The following CLTC variants were observed in gnomAD, a reference collection of about 807,000 sequenced individuals.
CLTC encodes clathrin heavy chain 1.
CLTC carries 16 observed loss-of-function variants against 195.8 expected under a neutral mutation model. That is an observed-to-expected ratio of 0.08 (90% CI 0.06 to 0.12). The LOEUF (loss-of-function observed/expected upper bound fraction) is 0.12. Ranked by LOEUF, CLTC falls within the 10% of genes least tolerant of loss-of-function variation. The pLI is 1.00. For synonymous variants in CLTC, 667 were observed against 689.4 expected (o/e 0.97, Z 0.51); for missense variants, 796 against 2,027.0 (o/e 0.39, Z 11.66).
chr17:59,687,487 GT>G (rs531755733), intron 30 of CLTC, among the ~76,000 whole-genome samples: 293 of 141,852 alleles, frequency 2.1e-3, no homozygotes, highest in African/African-American at 2.5e-3. Flanking sequence ...GCTTTTTGGG[GT>G]TTTTTTTTTT....
intron 17 of CLTC, 38 bp downstream of exon 17, chr17:59,677,226 T>A (rs1567966110): frequency 6.7e-7 from 1 of 1,501,868 alleles, no homozygotes; most frequent in Non-Finnish European, 9.3e-7. Flanking sequence ...GAAGCTGCAT[T>A]TTTAAAAACC....
chr17:59,630,425 A>G (rs995948910), intron 1 of CLTC, among the ~76,000 whole-genome samples: 1 of 152,210 alleles, frequency 6.6e-6, no homozygotes, highest in Non-Finnish European at 1.5e-5. Context: ...TTGCGATAAA[A>G]CTCACATAAC....
chr17:59,682,244 A>T lies in CLTC; in HGVS notation c.3443-27A>T. ...GATAAACTAGGATGTTAGTGTTTGG[A>T]TATATTTTTTCTTTTTCTATACTTA... On this transcript the variant is annotated intron_variant, in intron 21 of 31. Coordinates refer to ENST00000269122, the MANE Select transcript of CLTC (RefSeq NM_004859.4). This position sits in a 1 kb window ranked among gnomAD's most constrained non-coding sequence, Gnocchi z 6.8. The T allele has an allele frequency of 1.3e-6, 2 of 1,595,076 alleles. No homozygotes were observed. Among genetic ancestry groups the T allele is most frequent in the Non-Finnish European group, 1.7e-6 (2 of 1,170,134 alleles).
intron 1 of CLTC, among the ~76,000 whole-genome samples, chr17:59,624,935 G>A (rs2031502035): frequency 1.3e-5 from 2 of 152,156 alleles, no homozygotes; most frequent in Admixed American, 1.3e-4. Context: ...CTCCCAAAGT[G>A]CTGGGATTAC....
intron 14 of CLTC, 63 bp from the exon 15 acceptor site, chr17:59,673,584 T>A: frequency 7.7e-7 from 1 of 1,290,444 alleles, no homozygotes; most frequent in Non-Finnish European, 1.1e-6. Flanking sequence ...TTCTCATATG[T>A]TACACAGATT....
chr17:59,666,126 C>A lies in CLTC; in HGVS notation c.1668C>A (p.Tyr556Ter). Residue 556 changes from tyrosine to a stop codon, truncating the protein, a stop_gained, in exon 11 of 32, where the codon TAC becomes TAA. Coordinates refer to ENST00000269122, the MANE Select transcript of CLTC (RefSeq NM_004859.4). LOFTEE classifies it high-confidence loss of function. This position sits in a 1 kb window ranked among gnomAD's most constrained non-coding sequence, Gnocchi z 4.9. ...ITQIVDVFME[Y>*]NLIQQCTAFL... ...AGATTGTAGATGTCTTTATGGAATA[C>A]AATCTAATTCAGCAGTGTACTGCAT... The A allele has an allele frequency of 6.2e-7, 1 of 1,608,898 alleles. No individual in the cohort carries two copies. Among genetic ancestry groups the A allele is most frequent in the Non-Finnish European group, 8.5e-7 (1 of 1,175,778 alleles).
chr17:59,626,498 G>A (rs2031556930), intron 1 of CLTC, among the ~76,000 whole-genome samples: 2 of 152,166 alleles, frequency 1.3e-5, no homozygotes, highest in Non-Finnish European at 2.9e-5. Context: ...TGGAATGCCG[G>A]TCAGGCGATT....
In CLTC at chr17:59,656,690, T is replaced by C. The variant is rs1333595963; in HGVS notation, c.969+663T>C. ...AATTTTTTTTTTTTTTTTTTTTTTC[T>C]TGAGATGGAGTCTTGCTCTGTCACC... On this transcript the variant is annotated intron_variant, in intron 6 of 31. Coordinates refer to ENST00000269122, the MANE Select transcript of CLTC (RefSeq NM_004859.4). Among the ~76,000 whole-genome samples, 6 of 109,772 alleles carry C rather than the reference T, an allele frequency of 5.5e-5. No individual in the cohort carries two copies. The Admixed American group carries it at 6.4e-4, about 12-fold the overall frequency. 72.0% of individuals were successfully genotyped at this position (109,772 alleles called of 152,430 possible).
chr17:59,637,834 G>A (rs1260829819), intron 1 of CLTC, among the ~76,000 whole-genome samples: 2 of 151,266 alleles, frequency 1.3e-5, no homozygotes, highest in African/African-American at 4.9e-5. Flanking sequence ...GCTGAATTAA[G>A]CAGCCCAGGA....
chr17:59,692,637 A>G (rs35391268), intron 31 of CLTC, among the ~76,000 whole-genome samples: 78,392 of 151,950 alleles, frequency 0.52, 22,255 homozygotes, highest in Non-Finnish European at 0.65. Flanking sequence ...ATGTCTGAAT[A>G]TGTCTTTTTT....
intron 1 of CLTC, among the ~76,000 whole-genome samples, chr17:59,637,035 G>A (rs1040479434): frequency 1.3e-5 from 2 of 148,504 alleles, no homozygotes; most frequent in East Asian, 4.0e-4. Context: ...ACCCACCTTA[G>A]CCTCCCAAAG....
rs2032743882 is a variant in CLTC at position 59,666,848 on chromosome 17, C to T, written c.1999C>T (p.Leu667Phe). 6.2e-7 allele frequency: 1 copy of T among 1,613,856 alleles called. No individual in the cohort carries two copies. Among genetic ancestry groups the T allele is most frequent in the African/African-American group, 1.3e-5 (1 of 74,902 alleles). ...ATCAGTAGAAGACTCCCTAGAATGT[C>T]TCAGAGCCATGCTGTCTGCCAACAT... ...SLSVEDSLEC[L>F]RAMLSANIRQ... is the part of the protein sequence containing the mutation. The change falls in exon 13 of 32, where the codon CTC becomes TTC. Residue 667 changes from leucine to phenylalanine, a missense_variant. Around this residue, in one of 9 missense-constraint regions of CLTC, gnomAD observed 293 missense variants for 795.6 expected, o/e 0.37. Transcript: ENST00000269122. This position sits in a 1 kb window ranked among gnomAD's most constrained non-coding sequence, Gnocchi z 4.9.
At chr17:59,656,545 G>A (rs535675995) in intron 6 of CLTC, among the ~76,000 whole-genome samples, 133 of 152,126 alleles carry the variant, frequency 8.7e-4, no homozygotes, top group African/African-American at 3.1e-3. Context: ...CCTCTTGTGG[G>A]ATGCCTGGAA....
intron 17 of CLTC, among the ~76,000 whole-genome samples, chr17:59,678,550 T>A (rs745623645): frequency 1.4e-4 from 21 of 152,360 alleles, no homozygotes; most frequent in Non-Finnish European, 2.6e-4. Flanking sequence ...CAGTTTTGAC[T>A]GGTGAGAACC....
intron 5 of CLTC, among the ~76,000 whole-genome samples, chr17:59,653,472 C>A (rs1164782533): frequency 6.6e-6 from 1 of 151,974 alleles, no homozygotes; most frequent in Non-Finnish European, 1.5e-5. Flanking sequence ...GGATTACAGG[C>A]ATGAGCCACC....
At chr17:59,626,079 G>C (rs552856013) in intron 1 of CLTC, among the ~76,000 whole-genome samples, 54 of 152,230 alleles carry the variant, frequency 3.5e-4, no homozygotes, top group African/African-American at 1.3e-3. Flanking sequence ...TAAGTATTTG[G>C]GGTTAACACA....
intron 14 of CLTC, among the ~76,000 whole-genome samples, chr17:59,670,277 GTT>G (rs35483771): frequency 3.4e-4 from 50 of 148,240 alleles, no homozygotes; most frequent in South Asian, 6.4e-4. Context: ...GGGGTGTTGG[GTT>G]TTTTTTTTTG....
At chr17:59,631,969 C>CAA (rs201741031) in intron 1 of CLTC, among the ~76,000 whole-genome samples, 222 of 127,216 alleles carry the variant, frequency 1.7e-3, no homozygotes, top group Middle Eastern at 8.3e-3. Context: ...GACCCTATCT[C>CAA]AAAAAAAAAA....
At chr17:59,622,735 A>G (rs147320547) in intron 1 of CLTC, among the ~76,000 whole-genome samples, 401 of 152,336 alleles carry the variant, frequency 2.6e-3, no homozygotes, top group Non-Finnish European at 4.2e-3. Flanking sequence ...CCAGTTTGCT[A>G]AGTAGCAGAA....
Sources: allele counts gnomAD v4.1 joint callset (sites outside exome capture counted in the v4.1 genomes callset), GRCh38; gene constraint gnomAD v4.1.1; regional missense constraint gnomAD v4.1.1; non-coding constraint Gnocchi (gnomAD v3.1); transcripts MANE v1.5; gene names NCBI Gene and HGNC (gene_info 2026-07-23, HGNC 2026-07-21).